JARID2: variants seen among roughly 807,000 people sequenced by gnomAD.
JARID2 encodes protein Jumonji.
A neutral mutation model predicts 125.6 loss-of-function variants in JARID2; 21 were observed. The ratio of observed to expected loss-of-function variants is 0.17; its 90% CI spans 0.12 to 0.24. The LOEUF is 0.24. JARID2 is among the 10% of genes least tolerant of loss of function. The pLI is 1.00. For missense variants in JARID2, 1,303 were observed against 1,639.6 expected (o/e 0.79, Z 3.55); for synonymous variants, 736 against 661.6 (o/e 1.11, Z -1.73).
chr6:15,516,960 A>C (rs2127772731), intron 16 of JARID2, among the ~76,000 whole-genome samples: 1 of 152,258 alleles, frequency 6.6e-6, no homozygotes, highest in African/African-American at 2.4e-5. Context: ...ACCATGTTCC[A>C]GGTGTTTGGT....
At chr6:15,454,718 C>G (rs960554357) in intron 4 of JARID2, among the ~76,000 whole-genome samples, 47 of 151,652 alleles carry the variant, frequency 3.1e-4, no homozygotes, top group Admixed American at 3.0e-3. Flanking sequence ...TGGGCTCATG[C>G]AATTCTCATG....
intron 3 of JARID2, among the ~76,000 whole-genome samples, chr6:15,437,597 G>C (rs1281608768): frequency 2.0e-5 from 3 of 152,126 alleles, no homozygotes; most frequent in African/African-American, 7.2e-5. Flanking sequence ...TTCAGTTTTG[G>C]GGAGCCTGCT....
At chr6:15,330,355 T>C (rs1762668039) in intron 1 of JARID2, among the ~76,000 whole-genome samples, 1 of 152,244 alleles carries the variant, frequency 6.6e-6, no homozygotes, top group Non-Finnish European at 1.5e-5. Context: ...CGAATCCACA[T>C]CCTGCGCCAG....
chr6:15,355,192 A>G (rs1294016749), intron 1 of JARID2, among the ~76,000 whole-genome samples: 1 of 152,226 alleles, frequency 6.6e-6, no homozygotes, highest in Non-Finnish European at 1.5e-5. Context: ...ATCTGCCTGT[A>G]CTTTGTATTG....
intron 5 of JARID2, among the ~76,000 whole-genome samples, chr6:15,481,000 G>C (rs965469760): frequency 6.6e-6 from 1 of 152,224 alleles, no homozygotes; most frequent in African/African-American, 2.4e-5. Context: ...AATTCCCCTA[G>C]GAAAGTGTAT....
chr6:15,270,760 C>T (rs943053687), intron 1 of JARID2, among the ~76,000 whole-genome samples: 1 of 151,998 alleles, frequency 6.6e-6, no homozygotes, highest in Non-Finnish European at 1.5e-5. Context: ...CTAGCCTGGG[C>T]CACATGGTGA....
chr6:15,276,424 G>C (rs193153367), intron 1 of JARID2, among the ~76,000 whole-genome samples: 2 of 152,328 alleles, frequency 1.3e-5, no homozygotes, highest in East Asian at 3.9e-4. Context: ...ATATATAACT[G>C]TCTCATATGA....
chr6:15,264,642 A>T (rs9476812), intron 1 of JARID2, among the ~76,000 whole-genome samples: 50,323 of 134,896 alleles, frequency 0.37, 8,777 homozygotes, highest in African/African-American at 0.52. Flanking sequence ...TGTGTGTGTG[A>T]GAGAGAGAGA....
intron 5 of JARID2, among the ~76,000 whole-genome samples, chr6:15,472,434 G>A (rs953228833): frequency 1.5e-4 from 23 of 152,004 alleles, no homozygotes; most frequent in Non-Finnish European, 3.4e-4. Flanking sequence ...CAAACTGAAA[G>A]GCCTTTCTCA....
intron 1 of JARID2, among the ~76,000 whole-genome samples, chr6:15,262,028 C>A (rs2127326011): frequency 6.6e-6 from 1 of 152,180 alleles, no homozygotes; most frequent in South Asian, 2.1e-4. Context: ...GATCCGCCTG[C>A]CTCAACCTCC....
chr6:15,283,585 G>T (rs537762256), intron 1 of JARID2, among the ~76,000 whole-genome samples: 1 of 151,414 alleles, frequency 6.6e-6, no homozygotes, highest in African/African-American at 2.4e-5. Flanking sequence ...CTTGTGCTCC[G>T]CCCGCCTGGG....
intron 1 of JARID2, among the ~76,000 whole-genome samples, chr6:15,283,705 A>ATTTTTT (rs58730259): frequency 1.8e-5 from 2 of 113,134 alleles, no homozygotes; most frequent in Admixed American, 1.9e-4. Context: ...TCCTTTAAGT[A>ATTTTTT]TTTTTTTTTT....
chr6:15,454,335 C>T (rs1056160778), intron 4 of JARID2, among the ~76,000 whole-genome samples: 1 of 152,126 alleles, frequency 6.6e-6, no homozygotes, highest in East Asian at 1.9e-4. Context: ...CTTGGTGATT[C>T]TTAACACATA....
rs146219995 is a variant in JARID2, at chr6:15,287,207, G to C, written c.45+40623G>C. Among the ~76,000 whole-genome samples, 395 of 152,182 alleles carry C rather than the reference G, an allele frequency of 2.6e-3. 1 individual carries two copies. The highest frequency in any genetic ancestry group is 9.1e-3 in the African/African-American group (376 of 41,524). ...TTCTTTCCTTGTTCTCTAATCATAG[G>C]TTCTTTTTCCTAAAAGTGCTTTTGC... On this transcript the variant is annotated intron_variant, in intron 1 of 17. Coordinates refer to ENST00000341776, the MANE Select transcript of JARID2 (RefSeq NM_004973.4).
intron 4 of JARID2, among the ~76,000 whole-genome samples, chr6:15,452,541 C>T (rs772571033): frequency 6.6e-6 from 1 of 152,050 alleles, no homozygotes; most frequent in African/African-American, 2.4e-5. Context: ...TGATGCAGGA[C>T]TTTGGGGCTG....
At chr6:15,501,696 G>GC (rs1437067446) in intron 8 of JARID2, among the ~76,000 whole-genome samples, 1 of 152,166 alleles carries the variant, frequency 6.6e-6, no homozygotes, top group African/African-American at 2.4e-5. Flanking sequence ...CGTTGATGGG[G>GC]CAGCAGGAGA....
chr6:15,285,106 GTTTTTTTTTTT>G (rs199945772), intron 1 of JARID2, among the ~76,000 whole-genome samples: 39 of 119,458 alleles, frequency 3.3e-4, no homozygotes, highest in African/African-American at 1.1e-3. Context: ...GTCTTTCTGG[GTTTTTTTTTTT>G]TTTTTTTTTT....
chr6:15,423,552 T>G (rs1766594490), intron 3 of JARID2, among the ~76,000 whole-genome samples: 1 of 152,198 alleles, frequency 6.6e-6, no homozygotes, highest in Non-Finnish European at 1.5e-5. Flanking sequence ...AAGTTCACTT[T>G]TATGGGTCAT....
intron 1 of JARID2, among the ~76,000 whole-genome samples, chr6:15,311,862 A>C (rs1336548961): frequency 1.3e-5 from 2 of 152,104 alleles, no homozygotes; most frequent in Admixed American, 1.3e-4. Flanking sequence ...ACTACGTGAA[A>C]CTGGGGGGAA....
Sources: gnomAD v4.1 joint callset for allele counts (sites outside exome capture counted in the v4.1 genomes callset) on GRCh38, gnomAD v4.1.1 for gene constraint, MANE v1.5 for transcripts, NCBI Gene and HGNC (gene_info 2026-07-23, HGNC 2026-07-21) for gene names.